CSMD1: variants seen among roughly 807,000 people sequenced by gnomAD.
CSMD1 encodes CUB and sushi domain-containing protein 1.
CSMD1 carries 213 observed loss-of-function variants against 417.5 expected under a neutral mutation model. The ratio of observed to expected loss-of-function variants is 0.51; its 90% CI spans 0.46 to 0.57. The LOEUF is 0.57. Ranked by LOEUF, CSMD1 falls within the 20% of genes least tolerant of loss-of-function variation. The pLI is 0.00. For missense variants in CSMD1, 6,923 were observed against 4,529.7 expected (o/e 1.53, Z -15.17); for synonymous variants, 2,862 against 1,736.8 (o/e 1.65, Z -16.11).
At chr8:4,076,831 T>G (rs558122778) in intron 3 of CSMD1, among the ~76,000 whole-genome samples, 5 of 152,268 alleles carry the variant, frequency 3.3e-5, no homozygotes, top group African/African-American at 1.2e-4. Flanking sequence ...GCCTTTGCTT[T>G]AACTGCTAAC....
intron 11 of CSMD1, among the ~76,000 whole-genome samples, chr8:3,488,393 C>A (rs537229404): frequency 6.6e-6 from 1 of 152,218 alleles, no homozygotes; most frequent in South Asian, 2.1e-4. Context: ...TAGGCGTATA[C>A]CAGCATGCCT....
At chr8:4,700,093 C>T (rs373130746) in intron 1 of CSMD1, among the ~76,000 whole-genome samples, 12 of 152,266 alleles carry the variant, frequency 7.9e-5, no homozygotes, top group African/African-American at 2.6e-4. Context: ...GAGCTCACCA[C>T]AGAGTCATTT....
intron 1 of CSMD1, among the ~76,000 whole-genome samples, chr8:4,917,137 G>A (rs1806118432): frequency 6.6e-6 from 1 of 152,202 alleles, no homozygotes; most frequent in South Asian, 2.1e-4. Context: ...AAGGGAAAGG[G>A]AAAGTTGGCA....
At chr8:4,854,297 G>A (rs916260618) in intron 1 of CSMD1, among the ~76,000 whole-genome samples, 9 of 152,154 alleles carry the variant, frequency 5.9e-5, no homozygotes, top group Non-Finnish European at 1.3e-4. Flanking sequence ...TTGGTAGGAG[G>A]TGTTGGGTTG....
At chr8:4,233,968 C>T (rs760080398) in intron 3 of CSMD1, among the ~76,000 whole-genome samples, 14 of 143,930 alleles carry the variant, frequency 9.7e-5, no homozygotes, top group Admixed American at 2.9e-4. Flanking sequence ...TAAGGTAAAA[C>T]GGCGGGGGGT....
chr8:3,276,883 C>T (rs532880345), intron 26 of CSMD1, among the ~76,000 whole-genome samples: 1 of 152,120 alleles, frequency 6.6e-6, no homozygotes, highest in African/African-American at 2.4e-5. Flanking sequence ...AAAACAAAGA[C>T]CATCTGCCCT....
intron 17 of CSMD1, among the ~76,000 whole-genome samples, chr8:3,393,172 T>C (rs946745249): frequency 2.6e-5 from 4 of 152,134 alleles, no homozygotes; most frequent in Admixed American, 1.3e-4. Flanking sequence ...TGACAAACCT[T>C]TGAGAGCCTT....
At chr8:4,870,886 T>C (rs370647738) in intron 1 of CSMD1, among the ~76,000 whole-genome samples, 1 of 152,144 alleles carries the variant, frequency 6.6e-6, no homozygotes, top group African/African-American at 2.4e-5. Context: ...TTGTGTCACC[T>C]GGCCCTTTGG....
At chr8:4,203,311 G>A (rs1450791746) in intron 3 of CSMD1, among the ~76,000 whole-genome samples, 2 of 152,068 alleles carry the variant, frequency 1.3e-5, no homozygotes, top group Admixed American at 6.6e-5. Flanking sequence ...AACACCACGG[G>A]GTCGGCTCAG....
intron 5 of CSMD1, among the ~76,000 whole-genome samples, chr8:3,964,766 A>C (rs948922312): frequency 7.9e-5 from 12 of 152,244 alleles, no homozygotes; most frequent in Admixed American, 7.9e-4. Context: ...TCCTTCATAA[A>C]GGACTAATGT....
At chr8:3,120,909 T>C (rs1476125800) in intron 41 of CSMD1, among the ~76,000 whole-genome samples, 1 of 152,182 alleles carries the variant, frequency 6.6e-6, no homozygotes, top group Admixed American at 6.5e-5. Flanking sequence ...ATGGCAACAT[T>C]ATTTGCCACA....
At chr8:3,592,005 G>C (rs979533313) in intron 8 of CSMD1, among the ~76,000 whole-genome samples, 7 of 152,102 alleles carry the variant, frequency 4.6e-5, no homozygotes, top group African/African-American at 1.7e-4. Context: ...CGGATGGATA[G>C]ATGATAGGTA....
chr8:3,757,663 G>A (rs940033866), intron 5 of CSMD1, among the ~76,000 whole-genome samples: 1 of 152,046 alleles, frequency 6.6e-6, no homozygotes, highest in Non-Finnish European at 1.5e-5. Flanking sequence ...AAGAGTTCAA[G>A]ACAAGCATGG....
chr8:3,193,418 G>C (rs896585030), intron 33 of CSMD1, among the ~76,000 whole-genome samples: 2 of 152,112 alleles, frequency 1.3e-5, no homozygotes, highest in Non-Finnish European at 2.9e-5. Flanking sequence ...GGGAGGCAGG[G>C]AGAAGCTGTG....
At position 3,348,016 on chromosome 8, in the gene CSMD1, C is replaced by A. The variant is rs771975366; in HGVS notation, c.3450G>T (p.Gln1150His). The change falls in exon 22 of 70, where the codon CAG becomes CAT. Residue 1150 changes from glutamine (Q) to histidine (H), a missense_variant. Coordinates refer to ENST00000635120, the MANE Select transcript of CSMD1 (RefSeq NM_033225.6). Reference protein sequence around the residue: ...KGIHLRTRSFQLFEGDTLKVY... With the variant: ...KGIHLRTRSFHLFEGDTLKVY... Reference sequence around the variant, plus strand: ...CCTTTAGAGTATCTCCTTCAAACAGCTGGAAGCTTCGTGTTCTAAGGTGGA... The same window carrying A: ...CCTTTAGAGTATCTCCTTCAAACAGATGGAAGCTTCGTGTTCTAAGGTGGA... 1 of 1,604,450 alleles carries A rather than the reference C, an allele frequency of 6.2e-7. No individual in the cohort carries two copies. The highest frequency in any genetic ancestry group is 1.1e-5 in the South Asian group (1 of 89,272).
At chr8:3,813,783 T>C (rs1279289536) in intron 5 of CSMD1, among the ~76,000 whole-genome samples, 1 of 152,156 alleles carries the variant, frequency 6.6e-6, no homozygotes, top group African/African-American at 2.4e-5. Context: ...ATGATCTCAC[T>C]CTATTAATGT....
chr8:4,088,958 G>T (rs936110195), intron 3 of CSMD1, among the ~76,000 whole-genome samples: 9 of 152,104 alleles, frequency 5.9e-5, no homozygotes, highest in African/African-American at 2.2e-4. Context: ...ATTCCACGAA[G>T]GGTCACACAC....
intron 52 of CSMD1, among the ~76,000 whole-genome samples, chr8:3,017,189 T>G (rs931913045): frequency 6.6e-6 from 1 of 152,152 alleles, no homozygotes; most frequent in Non-Finnish European, 1.5e-5. Flanking sequence ...CAGACGTGAG[T>G]GTCTCGGACC....
At chr8:3,188,497 G>T (rs1337039500) in intron 35 of CSMD1, among the ~76,000 whole-genome samples, 1 of 151,514 alleles carries the variant, frequency 6.6e-6, no homozygotes, top group Admixed American at 6.6e-5. Context: ...AGTAGAGACA[G>T]GGTTTCACCA....
Sources: gnomAD v4.1 joint callset for allele counts (sites outside exome capture counted in the v4.1 genomes callset) on GRCh38, gnomAD v4.1.1 for gene constraint, MANE v1.5 for transcripts, NCBI Gene and HGNC (gene_info 2026-07-23, HGNC 2026-07-21) for gene names.